NKAIN2: variants seen among roughly 807,000 people sequenced by gnomAD.
The protein encoded by NKAIN2 is sodium/potassium-transporting ATPase subunit beta-1-interacting protein 2.
In NKAIN2, 14 loss-of-function variants were observed where a neutral mutation model predicts 32.6. The ratio of observed to expected loss-of-function variants is 0.43; its 90% CI spans 0.28 to 0.67. The LOEUF (loss-of-function observed/expected upper bound fraction) is 0.67, where lower values mean the gene tolerates loss of function less well. Ranked by LOEUF, NKAIN2 falls within the 30% of genes least tolerant of loss-of-function variation. The pLI is 0.17. For missense variants in NKAIN2, 198 were observed against 258.3 expected (o/e 0.77, Z 1.60); for synonymous variants, 80 against 87.2 (o/e 0.92, Z 0.46).
rs541370232 is a variant in NKAIN2 at position 124,406,986 on chromosome 6, T to C, written c.273+51639T>C. ...TATTCGATACAATTGCCTTATCAGA[T>C]ATATGACTTACAAATTTTGCCCCCA... On this transcript the variant is annotated intron_variant, in intron 3 of 6. Transcript: ENST00000368417. Among the ~76,000 whole-genome samples the C allele has an allele frequency of 2.6e-5, 4 of 152,278 alleles. No individual in the cohort carries two copies. The South Asian group carries it at 8.3e-4, about 32-fold the overall frequency.
intron 1 of NKAIN2, among the ~76,000 whole-genome samples, chr6:123,956,103 A>T (rs1777576408): frequency 1.3e-5 from 2 of 152,204 alleles, no homozygotes; most frequent in Admixed American, 1.3e-4. Flanking sequence ...TTCATTCTTA[A>T]ACTTTACGTA....
chr6:124,751,075 T>A (rs112143863), intron 4 of NKAIN2, among the ~76,000 whole-genome samples: 258 of 152,174 alleles, frequency 1.7e-3, no homozygotes, highest in African/African-American at 5.9e-3. Flanking sequence ...AAACCACCTG[T>A]GTTTGCTCAT....
chr6:124,707,272 G>T (rs1304977483), intron 4 of NKAIN2, among the ~76,000 whole-genome samples: 3 of 152,072 alleles, frequency 2.0e-5, no homozygotes, highest in African/African-American at 4.8e-5. Context: ...CCAAGTCTTT[G>T]CTACTGTGAA....
At chr6:124,459,163 G>A (rs1186202462) in intron 3 of NKAIN2, among the ~76,000 whole-genome samples, 2 of 151,814 alleles carry the variant, frequency 1.3e-5, no homozygotes, top group East Asian at 3.9e-4. Flanking sequence ...GGCAAAGAGA[G>A]GAGGAGTCCC....
chr6:124,628,671 C>T (rs1783448325), intron 3 of NKAIN2, among the ~76,000 whole-genome samples: 1 of 151,832 alleles, frequency 6.6e-6, no homozygotes, highest in South Asian at 2.1e-4. Context: ...GTCCCAAATT[C>T]AGCATTCCTC....
chr6:124,385,152 A>G (rs1457126043), intron 3 of NKAIN2, among the ~76,000 whole-genome samples: 1 of 152,180 alleles, frequency 6.6e-6, no homozygotes, highest in Non-Finnish European at 1.5e-5. Context: ...CACAAATGGA[A>G]AAAGCTCAAC....
rs764052792 is a variant in NKAIN2, at chr6:123,837,515, C to G, written c.54+33261C>G. 3.7e-4 allele frequency among the ~76,000 whole-genome samples: 57 copies of G among 152,140 alleles called. 1 individual carries two copies. The highest frequency in any genetic ancestry group is 7.6e-4 in the Non-Finnish European group (52 of 67,998). ...CCAGAATCCAACTACTTCTCACTTA[C>G]TCTTTTACCCCTCAGGTCCAAGCTC... On this transcript the variant is annotated intron_variant, in intron 1 of 6. Transcript: ENST00000368417.
intron 1 of NKAIN2, among the ~76,000 whole-genome samples, chr6:124,151,714 A>C (rs1168056945): frequency 6.6e-6 from 1 of 152,028 alleles, no homozygotes; most frequent in Non-Finnish European, 1.5e-5. Context: ...ACAGTATCAC[A>C]ATACAGTTTT....
At chr6:124,422,920 C>T (rs1774821285) in intron 3 of NKAIN2, among the ~76,000 whole-genome samples, 1 of 152,120 alleles carries the variant, frequency 6.6e-6, no homozygotes. Context: ...TTGAGTAAAT[C>T]TCCAAACCCT....
intron 3 of NKAIN2, among the ~76,000 whole-genome samples, chr6:124,380,938 A>G (rs1363958789): frequency 6.6e-6 from 1 of 152,180 alleles, no homozygotes; most frequent in Admixed American, 6.5e-5. Flanking sequence ...TTAAAAGACT[A>G]CCACTTGTAT....
intron 4 of NKAIN2, among the ~76,000 whole-genome samples, chr6:124,780,746 G>T (rs976127997): frequency 6.6e-6 from 1 of 152,184 alleles, no homozygotes; most frequent in East Asian, 1.9e-4. Flanking sequence ...GACTTGCCTT[G>T]CTCACCAGCA....
chr6:124,236,039 T>C (rs1480255678), intron 1 of NKAIN2, among the ~76,000 whole-genome samples: 2 of 152,128 alleles, frequency 1.3e-5, no homozygotes, highest in Non-Finnish European at 2.9e-5. Context: ...GAAATTGCTG[T>C]CCTTTTCCTC....
At chr6:124,139,214 C>T (rs1031975259) in intron 1 of NKAIN2, among the ~76,000 whole-genome samples, 1 of 148,366 alleles carries the variant, frequency 6.7e-6, no homozygotes, top group African/African-American at 2.5e-5. Context: ...TCAGCCTCCC[C>T]AGTAGCTGGG....
At chr6:124,449,484 T>C (rs572913788) in intron 3 of NKAIN2, among the ~76,000 whole-genome samples, 14 of 152,152 alleles carry the variant, frequency 9.2e-5, no homozygotes, top group African/African-American at 3.1e-4. Context: ...TAGAGGTAAG[T>C]GACAAACCTA....
At chr6:124,022,377 C>A (rs1039671667) in intron 1 of NKAIN2, among the ~76,000 whole-genome samples, 6 of 152,080 alleles carry the variant, frequency 3.9e-5, no homozygotes, top group Non-Finnish European at 7.3e-5. Context: ...GTCTGTATAG[C>A]AGCATGATTT....
At chr6:124,677,950 T>C (rs925565557) in intron 4 of NKAIN2, among the ~76,000 whole-genome samples, 6 of 152,150 alleles carry the variant, frequency 3.9e-5, no homozygotes, top group Non-Finnish European at 8.8e-5. Context: ...GTCTTCTTTT[T>C]CCTTCATTTT....
At chr6:124,163,736 CAG>C (rs1256572198) in intron 1 of NKAIN2, among the ~76,000 whole-genome samples, 2 of 151,526 alleles carry the variant, frequency 1.3e-5, no homozygotes, top group African/African-American at 2.4e-5. Flanking sequence ...AGAACAGAAA[CAG>C]AGATAATTAA....
intron 1 of NKAIN2, among the ~76,000 whole-genome samples, chr6:123,927,283 G>T (rs970104190): frequency 2.0e-5 from 3 of 152,106 alleles, no homozygotes; most frequent in Non-Finnish European, 2.9e-5. Flanking sequence ...GTTTTTTGTA[G>T]TCTCATGCTT....
intron 1 of NKAIN2, among the ~76,000 whole-genome samples, chr6:124,057,834 G>A (rs904951215): frequency 6.6e-6 from 1 of 151,918 alleles, no homozygotes; most frequent in African/African-American, 2.4e-5. Context: ...TCAAAATGGT[G>A]GTAAAATGCC....
Sources: gnomAD v4.1 joint callset for allele counts (sites outside exome capture counted in the v4.1 genomes callset) on GRCh38, gnomAD v4.1.1 for gene constraint, MANE v1.5 for transcripts, NCBI Gene and HGNC (gene_info 2026-07-23, HGNC 2026-07-21) for gene names.